ARMH4: variants seen among roughly 807,000 people sequenced by gnomAD.
The protein encoded by ARMH4 is armadillo-like helical domain-containing protein 4.
In ARMH4, 49 loss-of-function variants were observed where a neutral mutation model predicts 61.9. The observed-to-expected ratio is 0.79, with a 90% CI of 0.63 to 1.00. The LOEUF (loss-of-function observed/expected upper bound fraction) is 1.00, where lower values mean the gene tolerates loss of function less well. ARMH4 is among the 50% of genes least tolerant of loss of function. The probability of loss-of-function intolerance (pLI) is 0.00; values close to 1 mark genes in which losing one functional copy is unlikely to be tolerated. For missense variants in ARMH4, 934 were observed against 930.0 expected, an observed-to-expected ratio of 1.00 and a Z score of -0.06; for synonymous variants, 368 against 341.5, an observed-to-expected ratio of 1.08 and a Z score of -0.85.
intron 5 of ARMH4, among the ~76,000 whole-genome samples, chr14:58,077,895 T>A (rs967069428): frequency 2.6e-5 from 4 of 152,240 alleles, no homozygotes; most frequent in Non-Finnish European, 5.9e-5. Flanking sequence ...TCAGGTTAAT[T>A]TGTAGCTGTA....
intron 5 of ARMH4, among the ~76,000 whole-genome samples, chr14:58,087,352 T>G (rs1158292476): frequency 6.6e-6 from 1 of 152,142 alleles, no homozygotes; most frequent in Non-Finnish European, 1.5e-5. Context: ...GGTTAATTTT[T>G]CTTCCTCAAC....
chr14:58,124,730 G>A (rs989977545), intron 4 of ARMH4, among the ~76,000 whole-genome samples: 1 of 152,140 alleles, frequency 6.6e-6, no homozygotes, highest in Non-Finnish European at 1.5e-5. Context: ...TCCCTTGACT[G>A]ATCCCAACCT....
intron 5 of ARMH4, among the ~76,000 whole-genome samples, chr14:58,026,201 G>T (rs900316492): frequency 1.3e-5 from 2 of 152,010 alleles, no homozygotes; most frequent in African/African-American, 4.8e-5. Context: ...ACACATAAAT[G>T]AGGAAGAAAG....
chr14:58,127,719 G>C (rs1308219858), intron 4 of ARMH4, among the ~76,000 whole-genome samples: 2 of 152,168 alleles, frequency 1.3e-5, no homozygotes, highest in African/African-American at 4.8e-5. Flanking sequence ...ACCCAGAAGA[G>C]TCCAAGCAAA....
chr14:58,147,881 C>T (rs899463818), intron 1 of ARMH4, among the ~76,000 whole-genome samples: 1 of 152,152 alleles, frequency 6.6e-6, no homozygotes, highest in Non-Finnish European at 1.5e-5. Flanking sequence ...TGCCAGACAA[C>T]TCTCTGCTTT....
intron 4 of ARMH4, among the ~76,000 whole-genome samples, chr14:58,122,370 A>G (rs1886753119): frequency 6.6e-6 from 1 of 152,190 alleles, no homozygotes; most frequent in Non-Finnish European, 1.5e-5. Flanking sequence ...CAGGGAAAGG[A>G]AGAAAATCCT....
At chr14:58,044,877 G>T (rs916489440) in intron 5 of ARMH4, among the ~76,000 whole-genome samples, 34 of 152,282 alleles carry the variant, frequency 2.2e-4, no homozygotes, top group African/African-American at 7.2e-4. Flanking sequence ...ATCGTCACTG[G>T]CCATCAGAGA....
intron 5 of ARMH4, among the ~76,000 whole-genome samples, chr14:58,024,680 T>C (rs749776808): frequency 1.4e-4 from 21 of 152,188 alleles, no homozygotes; most frequent in Non-Finnish European, 2.5e-4. Context: ...CCCACTAAGC[T>C]TAACATTTAT....
intron 5 of ARMH4, among the ~76,000 whole-genome samples, chr14:58,028,995 C>T (rs1447413767): frequency 2.0e-5 from 3 of 152,094 alleles, no homozygotes; most frequent in African/African-American, 7.2e-5. Flanking sequence ...CAATGTTGTA[C>T]AACCATTACC....
At chr14:58,149,111 T>C (rs1020392982) in intron 1 of ARMH4, among the ~76,000 whole-genome samples, 4 of 152,214 alleles carry the variant, frequency 2.6e-5, no homozygotes, top group African/African-American at 9.7e-5. Context: ...TTACTTTTTC[T>C]TTTTTTAAAT....
At chr14:58,078,740 A>G (rs1003331639) in intron 5 of ARMH4, among the ~76,000 whole-genome samples, 26 of 152,258 alleles carry the variant, frequency 1.7e-4, no homozygotes, top group African/African-American at 5.3e-4. Context: ...TAAGTAAACA[A>G]GTAGGCATGG....
At chr14:58,052,193 A>T (rs1884167154) in intron 5 of ARMH4, among the ~76,000 whole-genome samples, 1 of 152,130 alleles carries the variant, frequency 6.6e-6, no homozygotes, top group African/African-American at 2.4e-5. Context: ...CTCCAGTGAG[A>T]CCAGGGACTG....
At chr14:58,149,154 T>G (rs1359667978) in intron 1 of ARMH4, among the ~76,000 whole-genome samples, 3 of 152,336 alleles carry the variant, frequency 2.0e-5, no homozygotes, top group African/African-American at 7.2e-5. Context: ...ACTATTTTAT[T>G]GCCAATACTA....
intron 5 of ARMH4, among the ~76,000 whole-genome samples, chr14:58,013,982 C>T (rs1882507763): frequency 6.6e-6 from 1 of 151,944 alleles, no homozygotes; most frequent in Non-Finnish European, 1.5e-5. Flanking sequence ...CAAGGGCACA[C>T]CACTGCACTC....
intron 5 of ARMH4, among the ~76,000 whole-genome samples, chr14:58,040,253 T>A (rs1883641605): frequency 6.6e-6 from 1 of 152,040 alleles, no homozygotes; most frequent in Non-Finnish European, 1.5e-5. Context: ...GTGTACAGAT[T>A]GTCACTCAGG....
At chr14:58,124,560 A>T (rs576058641) in intron 4 of ARMH4, among the ~76,000 whole-genome samples, 2 of 152,344 alleles carry the variant, frequency 1.3e-5, no homozygotes, top group East Asian at 3.9e-4. Context: ...CGTTTACTTA[A>T]ATATCAGGCT....
chr14:58,054,704 C>CCTGGCCAACATGG (rs1191652958), intron 5 of ARMH4, among the ~76,000 whole-genome samples: 1 of 151,942 alleles, frequency 6.6e-6, no homozygotes, highest in East Asian at 1.9e-4. Flanking sequence ...TCGAGACCAG[C>CCTGGCCAACATGG]CTGGCCAACA....
intron 2 of ARMH4, among the ~76,000 whole-genome samples, chr14:58,135,971 A>G (rs950598914): frequency 6.6e-6 from 1 of 152,160 alleles, no homozygotes; most frequent in Admixed American, 6.5e-5. Context: ...AAACAAAAGT[A>G]ATAACTTGAC....
intron 5 of ARMH4, among the ~76,000 whole-genome samples, chr14:58,085,012 G>C (rs754588702): frequency 1.3e-5 from 2 of 152,204 alleles, no homozygotes; most frequent in Non-Finnish European, 2.9e-5. Flanking sequence ...GTTGGAGACA[G>C]GGAAAAATTA....
Sources: allele counts gnomAD v4.1 joint callset (sites outside exome capture counted in the v4.1 genomes callset), GRCh38; gene constraint gnomAD v4.1.1; transcripts MANE v1.5; gene names NCBI Gene and HGNC (gene_info 2026-07-23, HGNC 2026-07-21).